The following DYNC2H1 variants were observed in gnomAD, a reference collection of about 807,000 sequenced individuals.
DYNC2H1 encodes cytoplasmic dynein 2 heavy chain 1.
In DYNC2H1, 410 loss-of-function variants were observed where a neutral mutation model predicts 570.0. The ratio of observed to expected loss-of-function variants is 0.72; its 90% CI spans 0.66 to 0.78. DYNC2H1 has a LOEUF of 0.78. Among genes scored for constraint, DYNC2H1 ranks in the 30% least tolerant of loss-of-function variants. The pLI, the probability that DYNC2H1 is intolerant of heterozygous loss-of-function variation, is 0.00. For synonymous variants in DYNC2H1, 1,688 were observed against 1,677.6 expected, an observed-to-expected ratio of 1.01 and a Z score of -0.15; for missense variants, 4,865 against 5,046.4, an observed-to-expected ratio of 0.96 and a Z score of 1.09.
chr11:103,187,259 G>T, intron 42 of DYNC2H1, 81 bp from the exon 43 acceptor site: 1 of 1,545,676 alleles, frequency 6.5e-7, no homozygotes, highest in Middle Eastern at 1.7e-4. Context: ...ATATTTATGA[G>T]ATAGAAATTT....
intron 84 of DYNC2H1, chr11:103,402,805 A>G (rs1357227887): frequency 6.6e-6 from 1 of 152,088 alleles, no homozygotes; most frequent in Non-Finnish European, 1.5e-5. Flanking sequence ...AACTAGTGCT[A>G]TTGGTTGGAT....
At position 103,181,222 on chromosome 11, in the gene DYNC2H1, G is replaced by T. The variant is rs1020380670; in HGVS notation, c.6348-535G>T. ...GAATTTAGGTAGTTGGATTTTTATA[G>T]GATAGAGAAAAAGTGTTTCTAAAGA... On this transcript the variant is annotated intron_variant, in intron 39 of 88. Coordinates refer to ENST00000375735, the MANE Select transcript of DYNC2H1 (RefSeq NM_001377.3). The surrounding 1 kb of genome is among the most constrained non-coding windows in gnomAD (Gnocchi z 5.0). Among the ~76,000 whole-genome samples the T allele has an allele frequency of 2.6e-5, 4 of 151,494 alleles. No individual in the cohort carries two copies.
chr11:103,180,247 T>C (rs996898657), intron 39 of DYNC2H1, among the ~76,000 whole-genome samples: 28 of 151,758 alleles, frequency 1.8e-4, no homozygotes, highest in African/African-American at 5.3e-4. Flanking sequence ...TTTAAAGTAC[T>C]TGTTAAATAT....
chr11:103,470,002 A>G (rs1194085077), intron 88 of DYNC2H1, among the ~76,000 whole-genome samples: 1 of 152,128 alleles, frequency 6.6e-6, no homozygotes, highest in African/African-American at 2.4e-5. Flanking sequence ...CCATATAATG[A>G]TCATGAGGAG....
In DYNC2H1 at chr11:103,135,501, C is replaced by T; in HGVS notation, c.2212C>T (p.Gln738Ter). The T allele has an allele frequency of 6.5e-7, 1 of 1,543,230 alleles. No homozygotes were observed. The highest frequency in any genetic ancestry group is 8.7e-7 in the Non-Finnish European group (1 of 1,147,702). The change falls in exon 16 of 89, where the codon CAA (glutamine) becomes TAA (stop). Residue 738 changes from glutamine (Q) to a stop codon, truncating the protein, a stop_gained. Coordinates refer to ENST00000375735, the MANE Select transcript of DYNC2H1 (RefSeq NM_001377.3). LOFTEE classifies it high-confidence loss of function. ...TGTGAATGTAACATATTAGGGATTC[C>T]AAGCAAGTGACATGCATGCATGGAA... Reference protein sequence around the residue: ...GLATVEAQGFQASDMHAWKQH... With the variant: ...GLATVEAQGF
chr11:103,327,799 T>C (rs1045656840), intron 82 of DYNC2H1, among the ~76,000 whole-genome samples: 1 of 152,180 alleles, frequency 6.6e-6, no homozygotes, highest in Non-Finnish European at 1.5e-5. Flanking sequence ...ATCTTGGTAC[T>C]GCGAAGCTGT....
intron 84 of DYNC2H1, among the ~76,000 whole-genome samples, chr11:103,415,533 A>G (rs890897462): frequency 6.6e-6 from 1 of 152,240 alleles, no homozygotes; most frequent in Admixed American, 6.5e-5. Flanking sequence ...TATGCAGCCA[A>G]CAGACACATA....
At chr11:103,427,976 TA>T (rs952444721) in intron 84 of DYNC2H1, among the ~76,000 whole-genome samples, 2 of 151,334 alleles carry the variant, frequency 1.3e-5, no homozygotes, top group African/African-American at 4.8e-5. Flanking sequence ...TATATAAAAA[TA>T]AAAAGCATAC....
chr11:103,156,647 T>C lies in DYNC2H1; in HGVS notation c.4004T>C (p.Leu1335Ser). ...ATTTGGGAAAGAAAACTTGCAGAGTTAGATGAATACCTGCAGAATTTAAAT... is the reference window on the plus strand; with the variant it reads ...ATTTGGGAAAGAAAACTTGCAGAGTCAGATGAATACCTGCAGAATTTAAAT... Reference protein sequence around the residue: ...VSIWERKLAELDEYLQNLNHI... With the variant: ...VSIWERKLAESDEYLQNLNHI... Residue 1335 changes from leucine (L) to serine (S), a missense_variant, in exon 26 of 89, where the codon TTA becomes TCA. This residue lies in a region of DYNC2H1 where 1,936 missense variants were observed against 1,962.1 expected (regional missense o/e 0.99). Transcript: ENST00000375735. 1 of 1,613,578 alleles carries C rather than the reference T, an allele frequency of 6.2e-7. No individual in the cohort carries two copies. The highest frequency in any genetic ancestry group is 8.5e-7 in the Non-Finnish European group (1 of 1,179,678).
intron 84 of DYNC2H1, among the ~76,000 whole-genome samples, chr11:103,413,643 T>C (rs1943173141): frequency 6.6e-6 from 1 of 152,200 alleles, no homozygotes; most frequent in African/African-American, 2.4e-5. Flanking sequence ...GCTTTGTTTG[T>C]TTGAACTGAA....
Position 103,354,841 on chromosome 11 carries a change from A to G in DYNC2H1, c.12040-3402A>G, listed in dbSNP as rs1940260026. Among the ~76,000 whole-genome samples the G allele has an allele frequency of 2.7e-5, 4 of 146,914 alleles. No individual in the cohort carries two copies. In the South Asian group the frequency reaches 8.5e-4, roughly 31 times the overall value. ...TTTTTTTCCTCAATGTTCTCCAATT[A>G]CATTGTGCAGTACCAGATGATTTCA... is the stretch of plus-strand genomic sequence containing the variant. On this transcript the variant is annotated intron_variant, in intron 82 of 88. Transcript: ENST00000375735.
At chr11:103,173,421 T>C (rs1861657502) in intron 35 of DYNC2H1, 116 bp downstream of exon 35, 8 of 717,678 alleles carry the variant, frequency 1.1e-5, no homozygotes, top group Non-Finnish European at 1.6e-5. Flanking sequence ...TTTATTCTGA[T>C]GATTTTATTG....
rs1444022940 is a variant in DYNC2H1, at chr11:103,254,518, A to G, written c.10207-897A>G. On this transcript the variant is annotated intron_variant, in intron 66 of 88. Coordinates refer to ENST00000375735, the MANE Select transcript of DYNC2H1 (RefSeq NM_001377.3). The surrounding 1 kb of genome is among the most constrained non-coding windows in gnomAD (Gnocchi z 4.9). ...CATACAACTTGCTGATTTAAAATGT[A>G]TAATTCAATGGTTTTTTTAGTGGAA... Among the ~76,000 whole-genome samples, 1 of 152,220 alleles carries G rather than the reference A, an allele frequency of 6.6e-6. No individual in the cohort carries two copies. The highest frequency in any genetic ancestry group is 1.5e-5 in the Non-Finnish European group (1 of 68,026).
At chr11:103,322,307 A>T (rs530724619) in intron 81 of DYNC2H1, among the ~76,000 whole-genome samples, 50 of 152,224 alleles carry the variant, frequency 3.3e-4, no homozygotes, top group Non-Finnish European at 5.3e-4. Flanking sequence ...TTCCAACTCT[A>T]TTGTTAGAAG....
chr11:103,138,040 G>A (rs1859674125), intron 17 of DYNC2H1, among the ~76,000 whole-genome samples: 1 of 150,420 alleles, frequency 6.6e-6, no homozygotes, highest in Non-Finnish European at 1.5e-5. Flanking sequence ...TCTGTTATTG[G>A]TGTATAAGAA....
intron 83 of DYNC2H1, among the ~76,000 whole-genome samples, chr11:103,377,627 T>C (rs553914864): frequency 1.7e-3 from 254 of 152,332 alleles, no homozygotes; most frequent in African/African-American, 5.9e-3. Context: ...TACATTCTTA[T>C]ACATTTATTT....
intron 31 of DYNC2H1, among the ~76,000 whole-genome samples, chr11:103,168,122 CTT>C (rs1482133279): frequency 6.6e-6 from 1 of 152,132 alleles, no homozygotes; most frequent in Non-Finnish European, 1.5e-5. Context: ...TTCTTGCACA[CTT>C]TTGTGCAATT....
Position 103,311,981 on chromosome 11 carries a change from G to A in DYNC2H1, c.11597G>A (p.Ser3866Asn). Residue 3866 changes from serine to asparagine, a missense_variant, in exon 79 of 89, where the codon AGT becomes AAT. Physicochemically the swap from Ser to Asn is conservative, Grantham distance 46. Around this residue, in one of 5 missense-constraint regions of DYNC2H1, gnomAD observed 2,401 missense variants for 2,454.6 expected, o/e 0.98. Transcript: ENST00000375735. ...DNTHRAHALF[S>N]LAWFHAACQE... ...ACACATCGAGCTCATGCTCTCTTCA[G>A]TCTTGCATGGTTTCATGCTGCATGT... 6.2e-7 allele frequency: 1 copy of A among 1,613,640 alleles called. No homozygotes were observed. Among genetic ancestry groups the A allele is most frequent in the Non-Finnish European group, 8.5e-7 (1 of 1,179,774 alleles).
At chr11:103,307,642 T>C in intron 77 of DYNC2H1, 79 bp from the exon 78 acceptor site, 1 of 655,048 alleles carries the variant, frequency 1.5e-6, no homozygotes, top group African/African-American at 1.8e-5. Context: ...TAATTAAAAA[T>C]AGTTACTAAT....
Sources: gnomAD v4.1 joint callset for allele counts (sites outside exome capture counted in the v4.1 genomes callset) on GRCh38, gnomAD v4.1.1 for gene constraint, gnomAD v4.1.1 regional missense constraint, Gnocchi (gnomAD v3.1) non-coding constraint, MANE v1.5 for transcripts, NCBI Gene and HGNC (gene_info 2026-07-23, HGNC 2026-07-21) for gene names.